ALDH1L2: variants seen among roughly 807,000 people sequenced by gnomAD.
ALDH1L2 encodes mitochondrial 10-formyltetrahydrofolate dehydrogenase.
Under a neutral mutation model 111.0 loss-of-function variants are expected in ALDH1L2, and 91 were observed. That is an observed-to-expected ratio of 0.82 (90% CI 0.69 to 0.98). The LOEUF (loss-of-function observed/expected upper bound fraction) is 0.98, where lower values mean the gene tolerates loss of function less well. Ranked by LOEUF, ALDH1L2 falls within the 50% of genes least tolerant of loss-of-function variation. The pLI, the probability that ALDH1L2 is intolerant of heterozygous loss-of-function variation, is 0.00. For missense variants in ALDH1L2, 995 were observed against 1,126.8 expected, an observed-to-expected ratio of 0.88 and a Z score of 1.67; for synonymous variants, 374 against 392.6, an observed-to-expected ratio of 0.95 and a Z score of 0.56.
intron 15 of ALDH1L2, among the ~76,000 whole-genome samples, chr12:105,046,300 G>C (rs10861322): frequency 7.5e-6 from 1 of 133,102 alleles, no homozygotes; most frequent in Non-Finnish European, 1.5e-5. Flanking sequence ...GCAGTGGCAC[G>C]ATCTCGGCTC....
At chr12:105,071,100 G>C (rs552793280) in intron 2 of ALDH1L2, among the ~76,000 whole-genome samples, 1 of 152,108 alleles carries the variant, frequency 6.6e-6, no homozygotes, top group African/African-American at 2.4e-5. Flanking sequence ...CTTTATTACT[G>C]ATACAACATT....
chr12:105,042,443 G>A (rs1295304328), intron 15 of ALDH1L2, among the ~76,000 whole-genome samples: 1 of 152,122 alleles, frequency 6.6e-6, no homozygotes, highest in Non-Finnish European at 1.5e-5. Context: ...TTATCCTGAG[G>A]ACATATAGTC....
intron 6 of ALDH1L2, among the ~76,000 whole-genome samples, chr12:105,064,748 T>A (rs1361865666): frequency 6.6e-6 from 1 of 152,200 alleles, no homozygotes; most frequent in Non-Finnish European, 1.5e-5. Flanking sequence ...GAGCCTGGGC[T>A]GAGTCAATTA....
At chr12:105,040,182 C>G (rs1247253709) in intron 16 of ALDH1L2, among the ~76,000 whole-genome samples, 1 of 144,250 alleles carries the variant, frequency 6.9e-6, no homozygotes, top group Non-Finnish European at 1.5e-5. Context: ...GTGAAGATGG[C>G]TTTAAATTCA....
chr12:105,062,648 G>C (rs1174274497), intron 7 of ALDH1L2, among the ~76,000 whole-genome samples: 1 of 152,198 alleles, frequency 6.6e-6, no homozygotes, highest in Non-Finnish European at 1.5e-5. Flanking sequence ...CCCAAGACCA[G>C]CGAGTGGGAA....
intron 12 of ALDH1L2, among the ~76,000 whole-genome samples, chr12:105,051,235 T>A (rs1028606746): frequency 3.9e-5 from 6 of 152,210 alleles, no homozygotes; most frequent in Non-Finnish European, 4.4e-5. Flanking sequence ...GAATGACCTT[T>A]ATAGATTACA....
At chr12:105,036,193 A>ATT (rs1471243919) in intron 18 of ALDH1L2, among the ~76,000 whole-genome samples, 8 of 50,200 alleles carry the variant, frequency 1.6e-4, no homozygotes, top group East Asian at 1.4e-3. Flanking sequence ...ATGTGTATAT[A>ATT]ATATATACAC....
In ALDH1L2 at chr12:105,058,087, G is replaced by C; in HGVS notation, c.1273C>G (p.Leu425Val). 1 of 1,612,840 alleles carries C rather than the reference G, an allele frequency of 6.2e-7. No individual in the cohort carries two copies. The highest frequency in any genetic ancestry group is 8.5e-7 in the Non-Finnish European group (1 of 1,179,552). ...GAAAAGCTTACATAATCTACAACCA[G>C]CTCCACCTCTTGATCTTCTCCTCTC... Reference protein sequence around the residue: ...KLRGEDQEVELVVDYISKEVN... With the variant: ...KLRGEDQEVEVVVDYISKEVN... The change falls in exon 10 of 23, where the codon CTG becomes GTG. Residue 425 changes from leucine to valine, a missense_variant. Transcript: ENST00000258494.
intron 1 of ALDH1L2, among the ~76,000 whole-genome samples, chr12:105,080,765 A>C (rs1279680873): frequency 2.0e-5 from 3 of 152,202 alleles, no homozygotes; most frequent in Non-Finnish European, 4.4e-5. Flanking sequence ...TTTGAGTGTC[A>C]TGTCAGTGCT....
chr12:105,081,029 A>G (rs1312884703), intron 1 of ALDH1L2, among the ~76,000 whole-genome samples: 1 of 152,254 alleles, frequency 6.6e-6, no homozygotes, highest in Non-Finnish European at 1.5e-5. Flanking sequence ...AATTATTTAC[A>G]TAGCATCTAC....
At position 105,024,290 on chromosome 12, in the gene ALDH1L2, G is replaced by C; in HGVS notation, c.*134C>G. 1.1e-6 allele frequency: 1 copy of C among 886,334 alleles called. No individual in the cohort carries two copies. The highest frequency in any genetic ancestry group is 2.1e-5 in the Admixed American group (1 of 47,802). 54.9% of individuals were successfully genotyped at this position (886,334 alleles called of 1,614,324 possible). On this transcript the variant is annotated 3_prime_UTR_variant, in exon 23 of 23. Transcript: ENST00000258494. ...TGTGTAAATGCTTTAACATGGCCTG[G>C]CCCTCTTCATGGTCCATCTGTGTAT... is the stretch of plus-strand genomic sequence containing the variant.
At chr12:105,025,415 G>A (rs1247740114) in intron 22 of ALDH1L2, among the ~76,000 whole-genome samples, 5 of 152,168 alleles carry the variant, frequency 3.3e-5, no homozygotes, top group African/African-American at 1.2e-4. Context: ...AACAGACCTG[G>A]AGCTGGTCAA....
At chr12:105,067,310 T>G (rs1458401174) in intron 4 of ALDH1L2, among the ~76,000 whole-genome samples, 1 of 152,016 alleles carries the variant, frequency 6.6e-6, no homozygotes, top group African/African-American at 2.4e-5. Flanking sequence ...GAAACAGGAT[T>G]TGTATCCAGG....
rs780600041 is a variant in ALDH1L2 at position 105,034,301 on chromosome 12, A to G, written c.2243T>C (p.Val748Ala). ...ESIHDEFVTR[V>A]VEEIKKMKIG... ...AGAGTAAATGTGAAGGTGCCTCACC[A>G]CTCTTGTCACAAATTCGTCGTGGAT... is the stretch of plus-strand genomic sequence containing the variant. The change falls in exon 19 of 23, where the codon GTG becomes GCG. Residue 748 changes from valine to alanine, a missense_variant and splice_region_variant. Coordinates refer to ENST00000258494, the MANE Select transcript of ALDH1L2 (RefSeq NM_001034173.4). 167 of 1,613,502 alleles carry G rather than the reference A, an allele frequency of 1.0e-4. No individual in the cohort carries two copies. Among genetic ancestry groups the G allele is most frequent in the Non-Finnish European group, 1.2e-4 (147 of 1,179,822 alleles).
intron 6 of ALDH1L2, among the ~76,000 whole-genome samples, chr12:105,064,642 T>A (rs1315499283): frequency 6.6e-6 from 1 of 152,088 alleles, no homozygotes; most frequent in Non-Finnish European, 1.5e-5. Flanking sequence ...ATGCCAGAGG[T>A]AGGCAGAGTG....
At chr12:105,051,790 C>G (rs865932564) in intron 12 of ALDH1L2, among the ~76,000 whole-genome samples, 1 of 134,776 alleles carries the variant, frequency 7.4e-6, no homozygotes, top group African/African-American at 3.0e-5. Context: ...TCTTTTTTTT[C>G]CTTTTTTTTT....
intron 15 of ALDH1L2, among the ~76,000 whole-genome samples, chr12:105,041,123 A>G (rs1875506540): frequency 6.6e-6 from 1 of 152,252 alleles, no homozygotes; most frequent in Non-Finnish European, 1.5e-5. Flanking sequence ...AATTGATAGA[A>G]TACATGATTT....
rs942680816 is a variant in ALDH1L2, at chr12:105,021,845, T to C, written c.*2579A>G. 4 of 152,216 alleles carry C rather than the reference T, an allele frequency of 2.6e-5. No individual in the cohort carries two copies. Among genetic ancestry groups the C allele is most frequent in the Non-Finnish European group, 5.9e-5 (4 of 68,066 alleles). The allele number at this position is 152,216 out of a possible 1,614,324, so 9.4% of individuals were successfully genotyped here. ...ATTTTAGTACAAGTGGTAAGTGCTA[T>C]GTTTGAAACAAGTGGGAACGCTGAG... On this transcript the variant is annotated 3_prime_UTR_variant, in exon 23 of 23. Transcript: ENST00000258494.
chr12:105,071,643 T>TATATATATATATA (rs55911058), intron 2 of ALDH1L2, among the ~76,000 whole-genome samples: 40 of 13,808 alleles, frequency 2.9e-3, no homozygotes, highest in African/African-American at 5.5e-3. Flanking sequence ...TATATATATA[T>TATATATATATATA]TTTTTTTTTT....
Sources: allele counts gnomAD v4.1 joint callset (sites outside exome capture counted in the v4.1 genomes callset), GRCh38; gene constraint gnomAD v4.1.1; transcripts MANE v1.5; gene names NCBI Gene and HGNC (gene_info 2026-07-23, HGNC 2026-07-21).